FANK1: variants seen among roughly 807,000 people sequenced by gnomAD.
FANK1 encodes the protein fibronectin type III and ankyrin repeat domains 1.
In FANK1, 44 loss-of-function variants were observed where a neutral mutation model predicts 45.3. The ratio of observed to expected loss-of-function variants is 0.97; its 90% CI spans 0.76 to 1.25. The LOEUF (loss-of-function observed/expected upper bound fraction) is 1.25. Among genes scored for constraint, FANK1 ranks in the 50% most tolerant of loss-of-function variants. FANK1 has a pLI of 0.00. For synonymous variants in FANK1, 149 were observed against 152.5 expected, an observed-to-expected ratio of 0.98 and a Z score of 0.17; for missense variants, 391 against 424.4, an observed-to-expected ratio of 0.92 and a Z score of 0.69.
intron 1 of FANK1, among the ~76,000 whole-genome samples, chr10:125,926,856 A>C (rs560183212): frequency 1.5e-3 from 233 of 152,194 alleles, no homozygotes; most frequent in African/African-American, 5.4e-3. Context: ...TTTAAGCTCT[A>C]TTATGTTAGT....
intron 2 of FANK1, among the ~76,000 whole-genome samples, chr10:125,981,515 A>AAT (rs397791576): frequency 1.4e-5 from 2 of 146,740 alleles, no homozygotes; most frequent in Non-Finnish European, 3.0e-5. Context: ...AAAAAAAAAA[A>AAT]GTTATGTTTT....
At chr10:125,991,351 C>A (rs1590196820) in intron 3 of FANK1, among the ~76,000 whole-genome samples, 1 of 151,988 alleles carries the variant, frequency 6.6e-6, no homozygotes, top group South Asian at 2.1e-4. Context: ...GAAGCCTTCT[C>A]AACCTCAGGG....
chr10:125,949,594 A>G (rs1223513379), intron 1 of FANK1, among the ~76,000 whole-genome samples: 1 of 147,180 alleles, frequency 6.8e-6, no homozygotes, highest in South Asian at 2.3e-4. Context: ...ACTACAAACC[A>G]CTGCTCAAGG....
At chr10:125,916,370 C>A (rs1473070770) in intron 1 of FANK1, among the ~76,000 whole-genome samples, 1 of 152,042 alleles carries the variant, frequency 6.6e-6, no homozygotes, top group Non-Finnish European at 1.5e-5. Context: ...AAAGTAGGTA[C>A]TGTCAGTATT....
intron 1 of FANK1, among the ~76,000 whole-genome samples, chr10:125,931,974 C>T (rs2134142665): frequency 6.6e-6 from 1 of 152,038 alleles, no homozygotes; most frequent in Middle Eastern, 3.4e-3. Flanking sequence ...GTCTTTTCCC[C>T]ACTTTGTTTG....
At chr10:125,909,714 G>A (rs1468030878) in intron 1 of FANK1, among the ~76,000 whole-genome samples, 4 of 121,574 alleles carry the variant, frequency 3.3e-5, no homozygotes, top group Non-Finnish European at 4.9e-5. Context: ...TTTTTGCTGT[G>A]ACAGGTCTCA....
At chr10:125,938,672 G>A (rs1300856608) in intron 1 of FANK1, among the ~76,000 whole-genome samples, 1 of 152,150 alleles carries the variant, frequency 6.6e-6, no homozygotes, top group Non-Finnish European at 1.5e-5. Context: ...AGCCGGACAT[G>A]GTGGCAGGTG....
intron 1 of FANK1, among the ~76,000 whole-genome samples, chr10:125,950,079 C>G (rs972484093): frequency 1.4e-5 from 2 of 141,358 alleles, no homozygotes; most frequent in Non-Finnish European, 3.1e-5. Context: ...AAAGCTGAAA[C>G]TGGATCCCTT....
At chr10:125,922,157 A>G (rs1347416673) in intron 1 of FANK1, among the ~76,000 whole-genome samples, 2 of 152,194 alleles carry the variant, frequency 1.3e-5, no homozygotes, top group African/African-American at 2.4e-5. Context: ...ATTTTTCTTA[A>G]GACACTCTCT....
intron 3 of FANK1, chr10:125,994,806 G>A: frequency 1.0e-6 from 1 of 985,294 alleles, no homozygotes; most frequent in Non-Finnish European, 1.2e-6. Context: ...CTCCCCGGCT[G>A]TGGCCCATTG....
At chr10:125,979,606 G>T (rs953929249) in intron 1 of FANK1, among the ~76,000 whole-genome samples, 7 of 152,158 alleles carry the variant, frequency 4.6e-5, no homozygotes, top group African/African-American at 1.7e-4. Flanking sequence ...TGAGCACTAG[G>T]GGATGATATG....
At position 125,955,891 on chromosome 10, in the gene FANK1, G is replaced by T. The variant is rs751223082; in HGVS notation, c.14-24270G>T. On this transcript the variant is annotated intron_variant, in intron 1 of 10. Coordinates refer to ENST00000368693, the MANE Select transcript of FANK1 (RefSeq NM_145235.5). ...AGTACAAAAGAATCTATGTTCTAAG[G>T]CAGTGGAAGGAAGCAGGGTTGGGGA... Among the ~76,000 whole-genome samples the T allele has an allele frequency of 4.9e-4, 74 of 152,206 alleles. 1 individual carries two copies. Among genetic ancestry groups the T allele is most frequent in the Middle Eastern group, 3.4e-3 (1 of 294 alleles).
intron 1 of FANK1, among the ~76,000 whole-genome samples, chr10:125,923,713 A>G (rs1947112052): frequency 6.6e-6 from 1 of 151,928 alleles, no homozygotes; most frequent in Non-Finnish European, 1.5e-5. Context: ...TTTTTGGTAG[A>G]GACAGGGTTT....
At chr10:126,000,164 G>T (rs1952651606) in intron 6 of FANK1, among the ~76,000 whole-genome samples, 1 of 152,166 alleles carries the variant, frequency 6.6e-6, no homozygotes, top group African/African-American at 2.4e-5. Flanking sequence ...TGGCAAGATT[G>T]ACTATTATAC....
chr10:126,008,487 T>C lies in FANK1; in HGVS notation c.786T>C (p.Ser262=). ...TGTCGGGAAATCAGAGGGTGGCCTC[T>C]CTTCTAATTGATGCTGGGGCCAATG... ...SAVSGNQRVA[S]LLIDAGANVN... is the part of the protein sequence containing the mutation. The change falls in exon 8 of 11, where the codon TCT becomes TCC. Residue 262 remains serine (S), a synonymous_variant. Coordinates refer to ENST00000368693, the MANE Select transcript of FANK1 (RefSeq NM_145235.5). 6.2e-7 allele frequency: 1 copy of C among 1,613,744 alleles called. No homozygotes were observed. Among genetic ancestry groups the C allele is most frequent in the Non-Finnish European group, 8.5e-7 (1 of 1,179,814 alleles).
At chr10:125,945,600 A>G (rs571521409) in intron 1 of FANK1, among the ~76,000 whole-genome samples, 104 of 152,270 alleles carry the variant, frequency 6.8e-4, no homozygotes, top group Non-Finnish European at 1.4e-3. Flanking sequence ...GGAGGGTCCT[A>G]CGCCCACGGA....
chr10:125,983,097 C>T lies in FANK1; in HGVS notation c.191+2759C>T, dbSNP rs2366343. The stretch of plus-strand genomic sequence containing the variant: ...GCCTTTCTTGTTGCCTCTTATTTCT[C>T]AGCACAAACCCTCCAGTCAGATTTC... On this transcript the variant is annotated intron_variant, in intron 2 of 10. Transcript: ENST00000368693. The surrounding 1 kb of genome is among the most constrained non-coding windows in gnomAD (Gnocchi z 4.3). Among the ~76,000 whole-genome samples the T allele has an allele frequency of 0.34, 52,134 of 152,038 alleles. 9,584 individuals are homozygous for T. The highest frequency in any genetic ancestry group is 0.45 in the South Asian group (2,168 of 4,812).
intron 1 of FANK1, among the ~76,000 whole-genome samples, chr10:125,924,303 G>GA (rs983576911): frequency 5.5e-5 from 8 of 146,324 alleles, no homozygotes; most frequent in African/African-American, 1.5e-4. Context: ...CACCAGGCTG[G>GA]AGTGCAGTGG....
intron 6 of FANK1, among the ~76,000 whole-genome samples, chr10:126,002,202 C>T (rs576103214): frequency 6.6e-6 from 1 of 152,060 alleles, no homozygotes; most frequent in East Asian, 1.9e-4. Flanking sequence ...ATCCCAGCTA[C>T]TTGAGGGGCT....
Sources: allele counts gnomAD v4.1 joint callset (sites outside exome capture counted in the v4.1 genomes callset), GRCh38; gene constraint gnomAD v4.1.1; non-coding constraint Gnocchi (gnomAD v3.1); transcripts MANE v1.5; gene names NCBI Gene and HGNC (gene_info 2026-07-23, HGNC 2026-07-21).